Variants in LEF1 observed in about 807,000 individuals in gnomAD.
LEF1 encodes lymphoid enhancer-binding factor 1.
Under a neutral mutation model 51.2 loss-of-function variants are expected in LEF1, and 14 were observed. The ratio of observed to expected loss-of-function variants is 0.27; its 90% CI spans 0.18 to 0.43. The LOEUF is 0.43. Among genes scored for constraint, LEF1 ranks in the 20% least tolerant of loss-of-function variants. The pLI is 1.00. For missense variants in LEF1, 386 were observed against 512.0 expected (o/e 0.75, Z 2.37); for synonymous variants, 185 against 183.2 (o/e 1.01, Z -0.08).
chr4:108,054,828 G>A (rs1339162784), intron 11 of LEF1, among the ~76,000 whole-genome samples: 1 of 152,094 alleles, frequency 6.6e-6, no homozygotes, highest in Non-Finnish European at 1.5e-5. Flanking sequence ...TTAGTGTAGA[G>A]ATTGATGTAA....
chr4:108,083,532 C>T, intron 4 of LEF1, 86 bp from the exon 5 acceptor site: 2 of 783,832 alleles, frequency 2.6e-6, no homozygotes, highest in Non-Finnish European at 4.1e-6. Context: ...ACCATTCATA[C>T]TTAAGGTTCA....
chr4:108,106,390 G>A (rs1434111791), intron 3 of LEF1, among the ~76,000 whole-genome samples: 2 of 152,118 alleles, frequency 1.3e-5, no homozygotes, highest in Non-Finnish European at 2.9e-5. Flanking sequence ...TAACAGCCTG[G>A]GTGTGCCGGG....
Position 108,167,798 on chromosome 4 carries a change from TG to T in LEF1, c.-32del. On this transcript the variant is annotated 5_prime_UTR_variant, in exon 1 of 12. Transcript: ENST00000265165. The surrounding 1 kb of genome is among the most constrained non-coding windows in gnomAD (Gnocchi z 5.7). ...CGGCTCTGTAATCTCCGCTCCGCTG[TG>T]GGAGCACCCGCGCAACAGCAGGAAA... The T allele has an allele frequency of 6.3e-7, 1 of 1,591,466 alleles. No individual in the cohort carries two copies.
At chr4:108,162,301 AT>A (rs1745113031) in intron 3 of LEF1, among the ~76,000 whole-genome samples, 1 of 152,246 alleles carries the variant, frequency 6.6e-6, no homozygotes. Flanking sequence ...GAGAGATCAA[AT>A]ATCCTTTAGC....
At chr4:108,166,180 G>A (rs1745377594) in intron 1 of LEF1, 2 of 1,319,528 alleles carry the variant, frequency 1.5e-6, no homozygotes, top group African/African-American at 1.5e-5. Flanking sequence ...CCCTACCCCC[G>A]CCCCCAGCCC....
intron 3 of LEF1, among the ~76,000 whole-genome samples, chr4:108,102,627 A>G (rs1405840217): frequency 1.3e-5 from 2 of 152,216 alleles, no homozygotes; most frequent in Non-Finnish European, 2.9e-5. Flanking sequence ...ATACAGGGAC[A>G]TGATGTTCAG....
At chr4:108,063,986 T>C (rs1737879311) in intron 10 of LEF1, among the ~76,000 whole-genome samples, 1 of 152,110 alleles carries the variant, frequency 6.6e-6, no homozygotes, top group Non-Finnish European at 1.5e-5. Context: ...ACATAAAATA[T>C]TGTATCTTTA....
chr4:108,099,598 ATATATATATATATAT>A (rs1740663187), intron 3 of LEF1, among the ~76,000 whole-genome samples: 1 of 130,296 alleles, frequency 7.7e-6, no homozygotes, highest in African/African-American at 2.8e-5. Flanking sequence ...ATATATATAT[ATATATATATATATAT>A]ATATAAATAA....
intron 3 of LEF1, among the ~76,000 whole-genome samples, chr4:108,095,895 G>T (rs1204205245): frequency 6.6e-6 from 1 of 152,106 alleles, no homozygotes; most frequent in Non-Finnish European, 1.5e-5. Flanking sequence ...AGAGGCTGAG[G>T]AAAGATCAGG....
At chr4:108,113,627 C>T (rs970258534) in intron 3 of LEF1, among the ~76,000 whole-genome samples, 3 of 152,210 alleles carry the variant, frequency 2.0e-5, no homozygotes, top group African/African-American at 7.2e-5. Flanking sequence ...AACTACAAAT[C>T]TGCTCTTCGA....
intron 4 of LEF1, 26 bp downstream of exon 4, chr4:108,089,097 AAG>A: frequency 6.2e-7 from 1 of 1,613,098 alleles, no homozygotes; most frequent in Non-Finnish European, 8.5e-7. Flanking sequence ...GGCAAAAAAA[AAG>A]GGCCTGGAAA....
intron 3 of LEF1, among the ~76,000 whole-genome samples, chr4:108,135,202 T>C (rs188496366): frequency 4.9e-4 from 74 of 152,316 alleles, no homozygotes; most frequent in Non-Finnish European, 8.4e-4. Flanking sequence ...AGCGCATTAA[T>C]GGAACTCAAA....
chr4:108,129,404 A>C (rs1742730519), intron 3 of LEF1, among the ~76,000 whole-genome samples: 1 of 152,224 alleles, frequency 6.6e-6, no homozygotes, highest in Admixed American at 6.5e-5. Context: ...TTTTAGGAAG[A>C]AAAAATATCA....
chr4:108,150,935 T>C (rs1744324592), intron 3 of LEF1, among the ~76,000 whole-genome samples: 1 of 152,210 alleles, frequency 6.6e-6, no homozygotes, highest in African/African-American at 2.4e-5. Flanking sequence ...TGGAGGTTTC[T>C]GGTCAAGGTC....
At chr4:108,088,433 G>A (rs1343802769) in intron 4 of LEF1, among the ~76,000 whole-genome samples, 1 of 152,190 alleles carries the variant, frequency 6.6e-6, no homozygotes, top group Non-Finnish European at 1.5e-5. Flanking sequence ...TGAGGTTTGC[G>A]CCCTGAGTGA....
chr4:108,048,515 A>G lies in LEF1; in HGVS notation c.*243T>C, dbSNP rs1736770221. 2 of 449,134 alleles carry G rather than the reference A, an allele frequency of 4.5e-6. No individual in the cohort carries two copies. Among genetic ancestry groups the G allele is most frequent in the East Asian group, 6.8e-5 (2 of 29,494 alleles). 27.8% of individuals were successfully genotyped at this position (449,134 alleles called of 1,614,324 possible). On this transcript the variant is annotated 3_prime_UTR_variant, in exon 12 of 12. Coordinates refer to ENST00000265165, the MANE Select transcript of LEF1 (RefSeq NM_016269.5). ...ACATTTCCTTTTAAAAAACCTTTTT[A>G]TGCTTTATTTTGGAACTTGGCTCTT... is the stretch of plus-strand genomic sequence containing the variant.
intron 3 of LEF1, among the ~76,000 whole-genome samples, chr4:108,102,601 G>C (rs1207350233): frequency 4.6e-5 from 7 of 152,182 alleles, no homozygotes; most frequent in African/African-American, 1.7e-4. Flanking sequence ...TAAAGTCAGT[G>C]CAAAGACTCC....
chr4:108,156,724 G>A (rs1233155161), intron 3 of LEF1, among the ~76,000 whole-genome samples: 1 of 151,992 alleles, frequency 6.6e-6, no homozygotes, highest in Non-Finnish European at 1.5e-5. Context: ...TTATTGTAAG[G>A]TTTCCAGGAT....
intron 8 of LEF1, among the ~76,000 whole-genome samples, chr4:108,076,564 G>A (rs1440764186): frequency 1.3e-5 from 2 of 152,088 alleles, no homozygotes; most frequent in African/African-American, 2.4e-5. Flanking sequence ...TTTTGGTAGA[G>A]ATGGGGTGTC....
Sources: gnomAD v4.1 joint callset for allele counts (sites outside exome capture counted in the v4.1 genomes callset) on GRCh38, gnomAD v4.1.1 for gene constraint, Gnocchi (gnomAD v3.1) non-coding constraint, MANE v1.5 for transcripts, NCBI Gene and HGNC (gene_info 2026-07-23, HGNC 2026-07-21) for gene names.